The following PDE10A variants were observed in gnomAD, a reference collection of about 807,000 sequenced individuals.
PDE10A encodes the protein cAMP and cAMP-inhibited cGMP 3',5'-cyclic phosphodiesterase 10A.
In PDE10A, 39 loss-of-function variants were observed where a neutral mutation model predicts 97.7. The ratio of observed to expected loss-of-function variants is 0.40; its 90% CI spans 0.31 to 0.52. The LOEUF (loss-of-function observed/expected upper bound fraction) is 0.52. PDE10A is among the 20% of genes least tolerant of loss of function. The pLI, the probability that PDE10A is intolerant of heterozygous loss-of-function variation, is 0.56. For missense variants in PDE10A, 731 were observed against 1,047.8 expected (o/e 0.70, Z 4.17); for synonymous variants, 371 against 376.8 (o/e 0.98, Z 0.18).
chr6:165,539,624 A>C (rs1480316195), intron 2 of PDE10A, among the ~76,000 whole-genome samples: 1 of 152,180 alleles, frequency 6.6e-6, no homozygotes, highest in African/African-American at 2.4e-5. Context: ...AACCTGTGGG[A>C]ATTAAAATAT....
intron 1 of PDE10A, among the ~76,000 whole-genome samples, chr6:165,601,304 T>A (rs1583624072): frequency 6.6e-6 from 1 of 152,244 alleles, no homozygotes; most frequent in Non-Finnish European, 1.5e-5. Flanking sequence ...TATGTCTTTA[T>A]CAGCAGTGTG....
intron 1 of PDE10A, among the ~76,000 whole-genome samples, chr6:165,979,218 G>T (rs1006978232): frequency 6.6e-6 from 1 of 152,194 alleles, no homozygotes; most frequent in Admixed American, 6.5e-5. Context: ...AAGGGTTCTT[G>T]TTCATTGGCC....
At chr6:165,866,303 T>C (rs1292597273) in intron 1 of PDE10A, among the ~76,000 whole-genome samples, 1 of 151,862 alleles carries the variant, frequency 6.6e-6, no homozygotes, top group Non-Finnish European at 1.5e-5. Flanking sequence ...ACCACATCTG[T>C]TGAAGCTCTA....
chr6:165,778,391 T>C (rs1378077207), intron 1 of PDE10A, among the ~76,000 whole-genome samples: 2 of 152,216 alleles, frequency 1.3e-5, no homozygotes, highest in African/African-American at 4.8e-5. Flanking sequence ...TTTCATTCAG[T>C]ATTTTGTTTC....
At chr6:165,531,726 A>G (rs185729791) in intron 2 of PDE10A, among the ~76,000 whole-genome samples, 1 of 151,594 alleles carries the variant, frequency 6.6e-6, no homozygotes, top group African/African-American at 2.4e-5. Context: ...ATTATCTCAC[A>G]GAAAAGAATT....
chr6:165,390,710 C>A (rs1361125119), intron 16 of PDE10A, among the ~76,000 whole-genome samples: 1 of 152,114 alleles, frequency 6.6e-6, no homozygotes, highest in African/African-American at 2.4e-5. Context: ...CAGATGCAGA[C>A]AGATGGGGGT....
intron 20 of PDE10A, 49 bp downstream of exon 20, chr6:165,339,229 C>T (rs200066362): frequency 2.6e-4 from 283 of 1,073,152 alleles, no homozygotes; most frequent in Non-Finnish European, 4.0e-4. Flanking sequence ...TTATGCCCAC[C>T]TTAAACTATT....
chr6:165,930,966 C>G (rs930342736), intron 1 of PDE10A, among the ~76,000 whole-genome samples: 4 of 152,226 alleles, frequency 2.6e-5, no homozygotes, highest in African/African-American at 9.6e-5. Context: ...CGAGCCAGCC[C>G]CGTGAAATAT....
intron 1 of PDE10A, among the ~76,000 whole-genome samples, chr6:165,841,844 G>A (rs776024260): frequency 1.3e-5 from 2 of 152,214 alleles, no homozygotes; most frequent in Non-Finnish European, 2.9e-5. Context: ...TTAATGGCCA[G>A]AGCAGAGTGG....
upstream of PDE10A, among the ~76,000 whole-genome samples, chr6:165,665,183 A>G (rs933396555): frequency 1.3e-5 from 2 of 152,226 alleles, no homozygotes; most frequent in African/African-American, 4.8e-5. Flanking sequence ...ATTTTCATAC[A>G]TGATCTCCCT....
At chr6:165,535,604 T>C (rs180813410) in intron 2 of PDE10A, among the ~76,000 whole-genome samples, 7,188 of 146,972 alleles carry the variant, frequency 0.049, 171 homozygotes, top group Middle Eastern at 0.11. Context: ...TGTGTGCGCG[T>C]GTGTGTGTGT....
At chr6:165,619,397 G>GTCTAGTGTAC (rs1562634691) in intron 1 of PDE10A, among the ~76,000 whole-genome samples, 22 of 147,364 alleles carry the variant, frequency 1.5e-4, no homozygotes, top group African/African-American at 5.6e-4. Context: ...GTATAGTGTA[G>GTCTAGTGTAC]TGTAGTGTAG....
intron 1 of PDE10A, among the ~76,000 whole-genome samples, chr6:165,964,803 T>C (rs574566922): frequency 1.3e-5 from 2 of 152,084 alleles, no homozygotes; most frequent in Admixed American, 6.5e-5. Flanking sequence ...ACCCACATAA[T>C]GATGAGAAAG....
intron 1 of PDE10A, among the ~76,000 whole-genome samples, chr6:165,889,992 CTCCTCCCTCCCTCACTCCTCA>C: frequency 8.2e-6 from 1 of 122,316 alleles, no homozygotes; most frequent in African/African-American, 3.1e-5. Context: ...TCACTCCTCA[CTCCTCCCTCCCTCACTCCTCA>C]CTCCCTCCCT....
intron 1 of PDE10A, among the ~76,000 whole-genome samples, chr6:165,563,395 G>C (rs1229437665): frequency 6.6e-6 from 1 of 152,106 alleles, no homozygotes; most frequent in Non-Finnish European, 1.5e-5. Flanking sequence ...GCACAAGAAA[G>C]TATTGATGTT....
chr6:165,698,448 G>T (rs1791491756), intron 1 of PDE10A, among the ~76,000 whole-genome samples: 1 of 152,200 alleles, frequency 6.6e-6, no homozygotes, highest in Non-Finnish European at 1.5e-5. Flanking sequence ...TCGTAAATGT[G>T]AGATGTGGCC....
At chr6:165,626,772 T>C (rs1411534921) in intron 1 of PDE10A, among the ~76,000 whole-genome samples, 3 of 151,742 alleles carry the variant, frequency 2.0e-5, no homozygotes, top group East Asian at 1.9e-4. Context: ...CGGGGGGAAG[T>C]TGAAGGAGCT....
At chr6:165,681,394 ATGTGTGTG>A (rs145137771) in intron 1 of PDE10A, among the ~76,000 whole-genome samples, 2 of 150,486 alleles carry the variant, frequency 1.3e-5, no homozygotes, top group Non-Finnish European at 3.0e-5. Context: ...TCTTGGGAAA[ATGTGTGTG>A]TGTGTGTGTG....
chr6:165,542,252 G>A (rs560581231), intron 2 of PDE10A, among the ~76,000 whole-genome samples: 2 of 152,122 alleles, frequency 1.3e-5, no homozygotes, highest in East Asian at 3.9e-4. Context: ...ACAGAAATAA[G>A]TTTAGCCAAA....
Sources: allele counts gnomAD v4.1 joint callset (sites outside exome capture counted in the v4.1 genomes callset), GRCh38; gene constraint gnomAD v4.1.1; transcripts MANE v1.5; gene names NCBI Gene and HGNC (gene_info 2026-07-23, HGNC 2026-07-21).